CACNA2D3: variants seen among roughly 807,000 people sequenced by gnomAD.
CACNA2D3 encodes the protein voltage-dependent calcium channel subunit alpha-2/delta-3.
In CACNA2D3, 60 loss-of-function variants were observed where a neutral mutation model predicts 160.6. That is an observed-to-expected ratio of 0.37 (90% CI 0.30 to 0.46). The LOEUF is 0.46. Among genes scored for constraint, CACNA2D3 ranks in the 20% least tolerant of loss-of-function variants. The pLI is 1.00. For synonymous variants in CACNA2D3, 558 were observed against 492.9 expected (o/e 1.13, Z -1.75); for missense variants, 1,205 against 1,365.0 (o/e 0.88, Z 1.85).
intron 4 of CACNA2D3, among the ~76,000 whole-genome samples, chr3:54,475,062 C>T (rs1306113274): frequency 1.3e-5 from 2 of 152,160 alleles, no homozygotes; most frequent in Admixed American, 1.3e-4. Context: ...GAACTGAAAT[C>T]TAAGTAAGAG....
intron 13 of CACNA2D3, among the ~76,000 whole-genome samples, chr3:54,789,256 C>G (rs1702699428): frequency 6.6e-6 from 1 of 152,144 alleles, no homozygotes; most frequent in Non-Finnish European, 1.5e-5. Flanking sequence ...TCCCAAATAT[C>G]TATTCCAAGA....
intron 2 of CACNA2D3, among the ~76,000 whole-genome samples, chr3:54,313,000 C>T (rs1379123188): frequency 1.3e-5 from 2 of 152,174 alleles, no homozygotes; most frequent in African/African-American, 4.8e-5. Context: ...AATATGAAAA[C>T]ACAATGCTTG....
At chr3:54,922,714 A>G (rs1000502742) in intron 27 of CACNA2D3, among the ~76,000 whole-genome samples, 2 of 152,042 alleles carry the variant, frequency 1.3e-5, no homozygotes, top group African/African-American at 4.8e-5. Flanking sequence ...GCTTAAATAT[A>G]CAACCTCCAA....
intron 27 of CACNA2D3, among the ~76,000 whole-genome samples, chr3:54,925,727 C>G (rs1419772141): frequency 3.9e-5 from 6 of 152,210 alleles, no homozygotes; most frequent in Admixed American, 6.5e-5. Context: ...GGCTACCGAG[C>G]TCTTGAGATG....
At chr3:54,145,748 A>G (rs1559861695) in intron 2 of CACNA2D3, among the ~76,000 whole-genome samples, 1 of 152,224 alleles carries the variant, frequency 6.6e-6, no homozygotes, top group African/African-American at 2.4e-5. Context: ...CAACTTTTCA[A>G]TAGGGAGACC....
chr3:54,470,415 C>T (rs190092432), intron 4 of CACNA2D3, among the ~76,000 whole-genome samples: 8 of 152,230 alleles, frequency 5.3e-5, no homozygotes, highest in South Asian at 2.1e-4. Flanking sequence ...TTCCCTTCCA[C>T]GAGCTCCTGA....
At chr3:54,687,561 A>G (rs903004262) in intron 11 of CACNA2D3, among the ~76,000 whole-genome samples, 2 of 152,148 alleles carry the variant, frequency 1.3e-5, no homozygotes, top group Non-Finnish European at 2.9e-5. Flanking sequence ...TAGGTGGTTG[A>G]TATGCCCAAA....
chr3:54,722,907 C>G (rs1396186002), intron 11 of CACNA2D3, among the ~76,000 whole-genome samples: 2 of 152,182 alleles, frequency 1.3e-5, no homozygotes, highest in Non-Finnish European at 2.9e-5. Context: ...TGACCCTTAG[C>G]AGAGCTCGAA....
chr3:54,999,251 A>G (rs998628821), intron 31 of CACNA2D3, among the ~76,000 whole-genome samples: 2 of 151,992 alleles, frequency 1.3e-5, no homozygotes, highest in Non-Finnish European at 2.9e-5. Flanking sequence ...TTCTATTAGC[A>G]CTCCTATCAA....
chr3:54,156,426 A>G (rs1456583991), intron 2 of CACNA2D3, among the ~76,000 whole-genome samples: 1 of 152,194 alleles, frequency 6.6e-6, no homozygotes, highest in East Asian at 1.9e-4. Context: ...TATGTTCCTC[A>G]GAACTTCCTG....
intron 2 of CACNA2D3, among the ~76,000 whole-genome samples, chr3:54,135,389 G>A (rs1699796163): frequency 6.6e-6 from 1 of 152,212 alleles, no homozygotes; most frequent in South Asian, 2.1e-4. Flanking sequence ...CATCAAGTGA[G>A]TTTGGGTTGT....
intron 3 of CACNA2D3, among the ~76,000 whole-genome samples, chr3:54,344,938 T>G (rs1225572593): frequency 6.6e-6 from 1 of 152,138 alleles, no homozygotes; most frequent in African/African-American, 2.4e-5. Context: ...AAAACCAAAA[T>G]GGCCACGGGA....
At chr3:54,790,367 C>A (rs1279100283) in intron 13 of CACNA2D3, among the ~76,000 whole-genome samples, 3 of 152,182 alleles carry the variant, frequency 2.0e-5, no homozygotes, top group Non-Finnish European at 4.4e-5. Context: ...AAGCAACAGT[C>A]TAACACGTAC....
At position 54,700,177 on chromosome 3, in the gene CACNA2D3, A is replaced by G. The variant is rs191158441; in HGVS notation, c.1168-52422A>G. ...CCAGAATTTGAATTCAGGACAGTCT[A>G]TAACTCCCAGCTCACTTTCACCTTC... is the stretch of plus-strand genomic sequence containing the variant. On this transcript the variant is annotated intron_variant, in intron 11 of 37. Transcript: ENST00000474759. Among the ~76,000 whole-genome samples the G allele has an allele frequency of 4.5e-3, 681 of 152,362 alleles. 5 individuals are homozygous for G. Among genetic ancestry groups the G allele is most frequent in the African/African-American group, 0.015 (628 of 41,590 alleles).
At chr3:55,038,905 T>TATATAC (rs1703894905) in intron 35 of CACNA2D3, among the ~76,000 whole-genome samples, 1 of 92,156 alleles carries the variant, frequency 1.1e-5, no homozygotes, top group Non-Finnish European at 2.3e-5. Context: ...TATATATATA[T>TATATAC]ATACACACAC....
chr3:55,013,463 T>C (rs1021942505), intron 34 of CACNA2D3, among the ~76,000 whole-genome samples: 7 of 152,216 alleles, frequency 4.6e-5, no homozygotes, highest in African/African-American at 1.7e-4. Flanking sequence ...GTTGCTGTCA[T>C]TGGGATATCT....
chr3:54,323,463 CT>C (rs1448604044), intron 3 of CACNA2D3, among the ~76,000 whole-genome samples: 4 of 106,664 alleles, frequency 3.8e-5, no homozygotes, highest in Non-Finnish European at 6.7e-5. Context: ...TTTTCTTTTT[CT>C]TTTCTTTTTT....
intron 27 of CACNA2D3, among the ~76,000 whole-genome samples, chr3:54,920,044 G>A (rs1373493434): frequency 6.6e-6 from 1 of 152,198 alleles, no homozygotes; most frequent in African/African-American, 2.4e-5. Context: ...CTCTCAGGCT[G>A]CCATAAGCAC....
At chr3:54,878,943 C>G (rs1370329822) in intron 18 of CACNA2D3, 75 bp from the exon 19 acceptor site, 1 of 889,434 alleles carries the variant, frequency 1.1e-6, no homozygotes. Context: ...CTCCACTGCA[C>G]GCTGAGGATG....
Sources: gnomAD v4.1 joint callset for allele counts (sites outside exome capture counted in the v4.1 genomes callset) on GRCh38, gnomAD v4.1.1 for gene constraint, MANE v1.5 for transcripts, NCBI Gene and HGNC (gene_info 2026-07-23, HGNC 2026-07-21) for gene names.